CFAP54: variants seen among roughly 807,000 people sequenced by gnomAD.
The protein encoded by CFAP54 is cilia and flagella associated protein 54.
A neutral mutation model predicts 370.4 loss-of-function variants in CFAP54; 290 were observed. The observed-to-expected ratio is 0.78, with a 90% CI of 0.71 to 0.86. CFAP54 has a LOEUF of 0.86. CFAP54 is among the 40% of genes least tolerant of loss of function. CFAP54 has a pLI of 0.00. For synonymous variants in CFAP54, 1,206 were observed against 1,236.5 expected, an observed-to-expected ratio of 0.98 and a Z score of 0.52; for missense variants, 3,399 against 3,528.7, an observed-to-expected ratio of 0.96 and a Z score of 0.93.
chr12:96,594,784 C>A, intron 25 of CFAP54, among the ~76,000 whole-genome samples: 2 of 151,868 alleles, frequency 1.3e-5, no homozygotes, highest in South Asian at 2.1e-4. Context: ...TTGTTAAATC[C>A]ATCATCTGGA....
At chr12:96,799,653 A>C (rs1002844284) in intron 63 of CFAP54, among the ~76,000 whole-genome samples, 1 of 152,224 alleles carries the variant, frequency 6.6e-6, no homozygotes, top group Admixed American at 6.5e-5. Flanking sequence ...AACTCTCCAG[A>C]TACCTTTCAT....
At chr12:96,642,867 G>A (rs1192711640) in intron 32 of CFAP54, among the ~76,000 whole-genome samples, 1 of 152,094 alleles carries the variant, frequency 6.6e-6, no homozygotes, top group African/African-American at 2.4e-5. Flanking sequence ...GTTAAGAACT[G>A]TTCAGATGAT....
chr12:96,668,860 C>T (rs888648518), intron 39 of CFAP54, among the ~76,000 whole-genome samples: 3 of 152,142 alleles, frequency 2.0e-5, no homozygotes, highest in East Asian at 1.9e-4. Context: ...TTTGTATATG[C>T]GTATAAATGT....
chr12:96,624,581 T>C (rs149536839), intron 28 of CFAP54, among the ~76,000 whole-genome samples: 64 of 152,338 alleles, frequency 4.2e-4, no homozygotes, highest in African/African-American at 1.5e-3. Flanking sequence ...TAGTTTCTGG[T>C]GATGATTAGT....
intron 8 of CFAP54, among the ~76,000 whole-genome samples, chr12:96,524,508 A>G (rs1955353384): frequency 6.6e-6 from 1 of 152,224 alleles, no homozygotes; most frequent in Non-Finnish European, 1.5e-5. Flanking sequence ...GGTTTCAAGT[A>G]TAGTGGAATA....
At chr12:96,577,239 A>C (rs1955987739) in intron 20 of CFAP54, among the ~76,000 whole-genome samples, 1 of 152,194 alleles carries the variant, frequency 6.6e-6, no homozygotes, top group East Asian at 1.9e-4. Flanking sequence ...TTCTTTCAAC[A>C]CAAGCAAAGG....
intron 26 of CFAP54, among the ~76,000 whole-genome samples, chr12:96,615,393 T>C (rs1229223007): frequency 3.3e-5 from 5 of 152,132 alleles, no homozygotes; most frequent in Non-Finnish European, 7.3e-5. Context: ...ATGTTAGACC[T>C]AAAACCATAA....
chr12:96,611,163 T>C (rs1196032024), intron 26 of CFAP54, among the ~76,000 whole-genome samples: 2 of 152,200 alleles, frequency 1.3e-5, no homozygotes, highest in Admixed American at 1.3e-4. Context: ...ACACCTCACA[T>C]GGCTGGGTAC....
At chr12:96,693,556 T>A (rs79952048) in intron 44 of CFAP54, among the ~76,000 whole-genome samples, 166 bp from the exon 45 acceptor site, 3,403 of 152,352 alleles carry the variant, frequency 0.022, 105 homozygotes, top group African/African-American at 0.074. Context: ...TTATGAAGCA[T>A]GTGCTAGATA....
Position 96,704,127 on chromosome 12 carries a change from T to A in CFAP54, c.6475-616T>A, listed in dbSNP as rs79888035. The stretch of plus-strand genomic sequence containing the variant: ...TGAACATGGAATAGAAATCTATTTT[T>A]AAAAATTTAAAATACATCGGCCAGG... On this transcript the variant is annotated intron_variant, in intron 46 of 67. Transcript: ENST00000524981. Among the ~76,000 whole-genome samples, 675 of 152,200 alleles carry A rather than the reference T, an allele frequency of 4.4e-3. 7 individuals carry two copies. Among genetic ancestry groups the A allele is most frequent in the African/African-American group, 0.016 (646 of 41,540 alleles).
chr12:96,518,833 C>A, intron 5 of CFAP54, 95 bp from the exon 6 acceptor site: 2 of 1,158,874 alleles, frequency 1.7e-6, no homozygotes, highest in Non-Finnish European at 2.2e-6. Flanking sequence ...TAATCAGCAA[C>A]TTGTGCTCAC....
intron 26 of CFAP54, among the ~76,000 whole-genome samples, chr12:96,620,670 G>C (rs904814454): frequency 6.6e-6 from 1 of 152,236 alleles, no homozygotes; most frequent in Non-Finnish European, 1.5e-5. Context: ...TATACTCCTA[G>C]TTGCCCTAAG....
intron 46 of CFAP54, 96 bp from the exon 47 acceptor site, chr12:96,704,647 T>C (rs1957529245): frequency 2.3e-6 from 1 of 435,522 alleles, no homozygotes; most frequent in African/African-American, 2.1e-5. Context: ...CCAATAAAAA[T>C]GATAATTAAA....
chr12:96,517,217 C>T (rs183373221), intron 5 of CFAP54, among the ~76,000 whole-genome samples: 3 of 152,112 alleles, frequency 2.0e-5, no homozygotes, highest in African/African-American at 7.2e-5. Context: ...CAGGGCTCCT[C>T]TGTGTAGTGG....
Position 96,521,503 on chromosome 12 carries a change from CGTGTGTGTGTGTGTGTGT to C in CFAP54, c.943-326_943-309del, listed in dbSNP as rs10554608. Among the ~76,000 whole-genome samples the C allele has an allele frequency of 5.4e-5, 7 of 129,580 alleles. No homozygotes were observed. The East Asian group carries it at 7.2e-4, about 13-fold the overall frequency. 85.0% of individuals were successfully genotyped at this position (129,580 alleles called of 152,430 possible). A position where few individuals can be genotyped will look rare whatever the true frequency, so the allele number is the denominator to read the frequency against. On this transcript the variant is annotated intron_variant, in intron 6 of 67. Coordinates refer to ENST00000524981, the MANE Select transcript of CFAP54 (RefSeq NM_001306084.2). ...AGGATTTGAGAAGAGCAACTGAGGA[CGTGTGTGTGTGTGTGTGT>C]GTGTGTGTGTGTGTGTGTGTGTGTG...
chr12:96,594,526 G>A lies in CFAP54; in HGVS notation c.3516+80G>A, dbSNP rs1490624585. ...ATTCATTTTAGAAAAGAAAAGCCATGTATCTCTTATAAAGGGCAAATAGGT... is the reference window on the plus strand; with the variant it reads ...ATTCATTTTAGAAAAGAAAAGCCATATATCTCTTATAAAGGGCAAATAGGT... On this transcript the variant is annotated intron_variant, in intron 25 of 67. Coordinates refer to ENST00000524981, the MANE Select transcript of CFAP54 (RefSeq NM_001306084.2). 4.3e-6 allele frequency: 5 copies of A among 1,164,712 alleles called. No homozygotes were observed. The African/African-American group carries it at 4.6e-5, about 11-fold the overall frequency. 72.1% of individuals were successfully genotyped at this position (1,164,712 alleles called of 1,614,324 possible).
rs1295266290 is a variant in CFAP54 at position 96,580,632 on chromosome 12, A to C, written c.2832A>C (p.Glu944Asp). Residue 944 changes from glutamate to aspartate, a missense_variant, in exon 21 of 68, where the codon GAA becomes GAC. Coordinates refer to ENST00000524981, the MANE Select transcript of CFAP54 (RefSeq NM_001306084.2). ...ACTGCATTTTGGGTTGCAAAGCAGA[A>C]GGAAGTTATGGAAAAGTACGGCTAA... is the stretch of plus-strand genomic sequence containing the variant. Reference protein sequence around the residue: ...SWYCILGCKAEGSYGKVRLNN... With the variant: ...SWYCILGCKADGSYGKVRLNN... 2.6e-5 allele frequency: 40 copies of C among 1,527,060 alleles called. No individual in the cohort carries two copies. Among genetic ancestry groups the C allele is most frequent in the Non-Finnish European group, 3.5e-5 (40 of 1,142,412 alleles). 94.6% of individuals were successfully genotyped at this position (1,527,060 alleles called of 1,614,324 possible).
chr12:96,508,607 T>TTTTA (rs578212235), intron 4 of CFAP54, among the ~76,000 whole-genome samples: 1 of 148,934 alleles, frequency 6.7e-6, no homozygotes, highest in African/African-American at 2.5e-5. Flanking sequence ...TTTTTTTTTT[T>TTTTA]AAAAGATTAT....
At chr12:96,829,165 T>G in intron 66 of CFAP54, 77 bp downstream of exon 66, 1 of 822,518 alleles carries the variant, frequency 1.2e-6, no homozygotes, top group Non-Finnish European at 1.9e-6. Context: ...ATAGAAAACA[T>G]CTAATTGTAA....
Sources: gnomAD v4.1 joint callset for allele counts (sites outside exome capture counted in the v4.1 genomes callset) on GRCh38, gnomAD v4.1.1 for gene constraint, MANE v1.5 for transcripts, NCBI Gene and HGNC (gene_info 2026-07-23, HGNC 2026-07-21) for gene names.